MYO1G: variants seen among roughly 807,000 people sequenced by gnomAD.
MYO1G encodes unconventional myosin-Ig.
In MYO1G, 65 loss-of-function variants were observed where a neutral mutation model predicts 115.3. That is an observed-to-expected ratio of 0.56 (90% CI 0.46 to 0.69). MYO1G has a LOEUF of 0.69. MYO1G is among the 30% of genes least tolerant of loss of function. The probability of loss-of-function intolerance (pLI) is 0.00; values close to 1 mark genes in which losing one functional copy is unlikely to be tolerated. For synonymous variants in MYO1G, 510 were observed against 552.6 expected, an observed-to-expected ratio of 0.92 and a Z score of 1.08; for missense variants, 1,204 against 1,393.5, an observed-to-expected ratio of 0.86 and a Z score of 2.16.
rs778965070 is a variant in MYO1G at position 44,962,695 on chromosome 7, G to A, written c.*44C>T. 2.2e-5 allele frequency: 32 copies of A among 1,449,088 alleles called. No homozygotes were observed. The highest frequency in any genetic ancestry group is 2.6e-5 in the Non-Finnish European group (29 of 1,110,428). 89.8% of individuals were successfully genotyped at this position (1,449,088 alleles called of 1,614,324 possible). The stretch of plus-strand genomic sequence containing the variant: ...CAGAAGGTTTATTTGCAGCGCTGGC[G>A]GGGCGGACAATTGGCGGCCTCGGGG... On this transcript the variant is annotated 3_prime_UTR_variant, in exon 22 of 22. Coordinates refer to ENST00000258787, the MANE Select transcript of MYO1G (RefSeq NM_033054.3). This position sits in a 1 kb window ranked among gnomAD's most constrained non-coding sequence, Gnocchi z 5.3.
At chr7:44,973,519 C>T (rs867938183) in intron 5 of MYO1G, 1 of 152,154 alleles carries the variant, frequency 6.6e-6, no homozygotes, top group African/African-American at 2.4e-5. Context: ...CTTAAAGACA[C>T]TGTCCATGCT....
At chr7:44,971,187 G>A in intron 7 of MYO1G, 128 bp from the exon 8 acceptor site, 1 of 791,160 alleles carries the variant, frequency 1.3e-6, no homozygotes, top group Non-Finnish European at 2.0e-6. Flanking sequence ...TCTCAGACCA[G>A]CATGGTCAGC....
intron 4 of MYO1G, 24 bp from the exon 5 acceptor site, chr7:44,975,251 C>T: frequency 1.2e-6 from 2 of 1,613,792 alleles, no homozygotes; most frequent in South Asian, 1.1e-5. Context: ...GGCAGATGGA[C>T]TCAGGCCTGG....
intron 5 of MYO1G, chr7:44,974,396 CGCCTGTGT>C (rs1795011546): frequency 6.6e-6 from 1 of 152,090 alleles, no homozygotes; most frequent in Non-Finnish European, 1.5e-5. Flanking sequence ...ATGGAAACAC[CGCCTGTGT>C]ACCAGGGAGA....
chr7:44,976,818 A>C, intron 2 of MYO1G, 45 bp downstream of exon 2: 1 of 1,605,452 alleles, frequency 6.2e-7, no homozygotes, highest in Non-Finnish European at 8.5e-7. Flanking sequence ...AAATGTTCAC[A>C]AATGAAGATG....
chr7:44,969,333 C>G lies in MYO1G; in HGVS notation c.1574+80G>C. Reference sequence around the variant, plus strand: ...CATAACACCTGTCTCCGAGCCACTCCCCTGAAGCGCTCCTGCCCCATGACA... The same window carrying G: ...CATAACACCTGTCTCCGAGCCACTCGCCTGAAGCGCTCCTGCCCCATGACA... On this transcript the variant is annotated intron_variant, in intron 12 of 21. Transcript: ENST00000258787. The surrounding 1 kb of genome is among the most constrained non-coding windows in gnomAD (Gnocchi z 5.0). The G allele has an allele frequency of 6.8e-7, 1 of 1,467,954 alleles. No individual in the cohort carries two copies. Among genetic ancestry groups the G allele is most frequent in the Non-Finnish European group, 9.5e-7 (1 of 1,048,182 alleles). The allele number at this position is 1,467,954 out of a possible 1,614,324, so 90.9% of individuals were successfully genotyped here.
rs1794837480 is a variant in MYO1G, at chr7:44,966,131, A to C, written c.2099T>G (p.Val700Gly). The C allele has an allele frequency of 6.2e-7, 1 of 1,613,008 alleles. No individual in the cohort carries two copies. ...GCGGGCTCGGCTCTGCTCCAGTGTG[A>C]CCAGTGTCCGGGGTGAGCGGATGAA... is the stretch of plus-strand genomic sequence containing the variant. ...KLFIRSPRTL[V>G]TLEQSRARLI... Residue 700 changes from valine to glycine, a missense_variant, in exon 16 of 22, where the codon GTC becomes GGC. Coordinates refer to ENST00000258787, the MANE Select transcript of MYO1G (RefSeq NM_033054.3). This position sits in a 1 kb window ranked among gnomAD's most constrained non-coding sequence, Gnocchi z 5.0.
intron 1 of MYO1G, among the ~76,000 whole-genome samples, chr7:44,978,401 T>G (rs141829905): frequency 4.0e-3 from 604 of 152,246 alleles, no homozygotes; most frequent in Non-Finnish European, 6.3e-3. Flanking sequence ...GACTGCTTCA[T>G]CTCAGTGTCC....
chr7:44,972,463 C>A, intron 5 of MYO1G: 1 of 501,416 alleles, frequency 2.0e-6, no homozygotes, highest in Non-Finnish European at 3.7e-6. Flanking sequence ...AGTCACTGTT[C>A]TTGTGCCAGA....
intron 14 of MYO1G, 92 bp downstream of exon 14, chr7:44,967,513 T>C (rs1364112046): frequency 2.0e-6 from 3 of 1,509,852 alleles, no homozygotes; most frequent in Non-Finnish European, 1.8e-6. Flanking sequence ...CCCACCACTA[T>C]GATGTACAGA....
In MYO1G at chr7:44,964,493, G is replaced by T. The variant is rs1215666929; in HGVS notation, c.2553C>A (p.Ser851Arg). ...SSATDNPTAS[S>R]LFAQRLKTLQ... The stretch of plus-strand genomic sequence containing the variant: ...GTGTCTTTAGTCGCTGAGCAAACAG[G>T]CTTGATGCTGTGGGATTGTCAGTGG... Residue 851 changes from serine (S) to arginine (R), a missense_variant, in exon 19 of 22, where the codon AGC (serine) becomes AGA (arginine). By Grantham distance (110) the Ser-to-Arg change is moderately radical. Transcript: ENST00000258787. This position sits in a 1 kb window ranked among gnomAD's most constrained non-coding sequence, Gnocchi z 5.1. 1.9e-6 allele frequency: 3 copies of T among 1,613,986 alleles called. No homozygotes were observed. The East Asian group carries it at 6.7e-5, about 36-fold the overall frequency.
In MYO1G at chr7:44,969,720, G is replaced by A; in HGVS notation, c.1488C>T (p.His496=). 1 of 1,611,654 alleles carries A rather than the reference G, an allele frequency of 6.2e-7. No homozygotes were observed. Among genetic ancestry groups the A allele is most frequent in the Non-Finnish European group, 8.5e-7 (1 of 1,179,940 alleles). Residue 496 remains histidine, a synonymous_variant, in exon 11 of 22, where the codon CAC becomes CAT. Transcript: ENST00000258787. This position sits in a 1 kb window ranked among gnomAD's most constrained non-coding sequence, Gnocchi z 5.0. ...CCGGGGGCACCTGGCGGCTGGTGTA[G>A]TGTAGGTGATGGCGGTGGTGCATGT... is the stretch of plus-strand genomic sequence containing the variant. ...TLDMHHRHHL[H]YTSRQLCPTD... is the part of the protein sequence containing the mutation.
rs985097448 is a variant in MYO1G, at chr7:44,969,800, C to T, written c.1408G>A (p.Glu470Lys). 6 of 1,613,202 alleles carry T rather than the reference C, an allele frequency of 3.7e-6. No individual in the cohort carries two copies. The highest frequency in any genetic ancestry group is 2.2e-5 in the East Asian group (1 of 44,882). The stretch of plus-strand genomic sequence containing the variant: ...ATGGTGCCAGCAGAGCTGCAGGCCT[C>T]GTCCAGCACGGCCAGGATGCCACGG... The part of the protein sequence containing the change: ...PHRGILAVLD[E>K]ACSSAGTITD... The change falls in exon 11 of 22, where the codon GAG (glutamate) becomes AAG (lysine). Residue 470 changes from glutamate to lysine, a missense_variant. Glu to Lys is a moderately conservative substitution (Grantham distance 56). Coordinates refer to ENST00000258787, the MANE Select transcript of MYO1G (RefSeq NM_033054.3). The surrounding 1 kb of genome is among the most constrained non-coding windows in gnomAD (Gnocchi z 5.0).
chr7:44,974,275 T>A (rs2128702724), intron 5 of MYO1G: 1 of 151,462 alleles, frequency 6.6e-6, no homozygotes, highest in South Asian at 2.1e-4. Flanking sequence ...TCATAGACCC[T>A]GGAGACCCTG....
In MYO1G at chr7:44,966,645, G is replaced by A; in HGVS notation, c.1949+27C>T. 6.2e-7 allele frequency: 1 copy of A among 1,612,598 alleles called. No individual in the cohort carries two copies. The highest frequency in any genetic ancestry group is 8.5e-7 in the Non-Finnish European group (1 of 1,179,782). ...ACTCCACACAGGGACTATGGCCCATGGAGTGATGGGTGTCAGGTGCCAGTA... is the reference window on the plus strand; with the variant it reads ...ACTCCACACAGGGACTATGGCCCATAGAGTGATGGGTGTCAGGTGCCAGTA... On this transcript the variant is annotated intron_variant, in intron 15 of 21. Coordinates refer to ENST00000258787, the MANE Select transcript of MYO1G (RefSeq NM_033054.3). The surrounding 1 kb of genome is among the most constrained non-coding windows in gnomAD (Gnocchi z 5.0).
At position 44,966,092 on chromosome 7, in the gene MYO1G, A is replaced by G; in HGVS notation, c.2138T>C (p.Ile713Thr). The G allele has an allele frequency of 6.2e-7, 1 of 1,612,806 alleles. No homozygotes were observed. The highest frequency in any genetic ancestry group is 8.5e-7 in the Non-Finnish European group (1 of 1,179,942). The change falls in exon 16 of 22, where the codon ATT becomes ACT. Residue 713 changes from isoleucine (I) to threonine (T), a missense_variant. Transcript: ENST00000258787. This position sits in a 1 kb window ranked among gnomAD's most constrained non-coding sequence, Gnocchi z 5.0. ...EQSRARLIPIIVLLLQKAWRG... is the reference protein window; with the variant it reads ...EQSRARLIPITVLLLQKAWRG... ...CCTCACCTTCTGCAATAGCAGCACA[A>G]TGATGGGGATGAGGCGGGCTCGGCT...
intron 5 of MYO1G, chr7:44,974,481 G>A (rs1372156529): frequency 6.5e-6 from 1 of 153,266 alleles, no homozygotes; most frequent in African/African-American, 2.4e-5. Context: ...CCATGTCTGT[G>A]CTGCAGGGAA....
At chr7:44,976,504 T>C in intron 3 of MYO1G, 60 bp downstream of exon 3, 2 of 1,529,722 alleles carry the variant, frequency 1.3e-6, no homozygotes, top group Non-Finnish European at 1.8e-6. Flanking sequence ...CAGCCCTTCC[T>C]GCCACACTGA....
Position 44,967,634 on chromosome 7 carries a change from C to T in MYO1G, c.1753G>A (p.Val585Met), listed in dbSNP as rs756012247. Reference sequence around the variant, plus strand: ...GAGGCAAGGTTCTCCACCAGGGCCACCATGGAGTTCTTGAAGAGTGTGCCA... The same window carrying T: ...GAGGCAAGGTTCTCCACCAGGGCCATCATGGAGTTCTTGAAGAGTGTGCCA... The part of the protein sequence containing the change: ...TAGTLFKNSM[V>M]ALVENLASKE... Residue 585 changes from valine (V) to methionine (M), a missense_variant, in exon 14 of 22, where the codon GTG (valine) becomes ATG (methionine). Coordinates refer to ENST00000258787, the MANE Select transcript of MYO1G (RefSeq NM_033054.3). The T allele has an allele frequency of 6.2e-7, 1 of 1,613,846 alleles. No individual in the cohort carries two copies. Among genetic ancestry groups the T allele is most frequent in the South Asian group, 1.1e-5 (1 of 91,088 alleles).
Sources: gnomAD v4.1 joint callset for allele counts (sites outside exome capture counted in the v4.1 genomes callset) on GRCh38, gnomAD v4.1.1 for gene constraint, Gnocchi (gnomAD v3.1) non-coding constraint, MANE v1.5 for transcripts, NCBI Gene and HGNC (gene_info 2026-07-23, HGNC 2026-07-21) for gene names.